The following ZZEF1 variants were observed in gnomAD, a reference collection of about 807,000 sequenced individuals.
The protein encoded by ZZEF1 is zinc finger ZZ-type and EF-hand domain containing 1.
In ZZEF1, 157 loss-of-function variants were observed where a neutral mutation model predicts 342.8. The ratio of observed to expected loss-of-function variants is 0.46; its 90% CI spans 0.40 to 0.52. The LOEUF (loss-of-function observed/expected upper bound fraction) is 0.52. Ranked by LOEUF, ZZEF1 falls within the 20% of genes least tolerant of loss-of-function variation. ZZEF1 has a pLI of 0.00. For missense variants in ZZEF1, 3,480 were observed against 3,725.6 expected (o/e 0.93, Z 1.72); for synonymous variants, 1,505 against 1,429.1 (o/e 1.05, Z -1.20).
At chr17:4,057,791 G>A (rs2057197278) in intron 32 of ZZEF1, among the ~76,000 whole-genome samples, 1 of 152,170 alleles carries the variant, frequency 6.6e-6, no homozygotes. Context: ...CAGCACCATT[G>A]TTATCTCCAG....
At chr17:4,108,256 G>A (rs1217665863) in intron 6 of ZZEF1, among the ~76,000 whole-genome samples, 2 of 152,142 alleles carry the variant, frequency 1.3e-5, no homozygotes, top group Non-Finnish European at 2.9e-5. Flanking sequence ...GCAACCCAAT[G>A]GGATGCAATG....
At chr17:4,043,155 C>A (rs561723624) in intron 38 of ZZEF1, among the ~76,000 whole-genome samples, 23 of 152,214 alleles carry the variant, frequency 1.5e-4, no homozygotes, top group African/African-American at 5.3e-4. Context: ...CATTTCATCA[C>A]CTTTTCACAT....
At chr17:4,123,172 G>A (rs1389249426) in intron 2 of ZZEF1, among the ~76,000 whole-genome samples, 11 of 149,380 alleles carry the variant, frequency 7.4e-5, no homozygotes, top group South Asian at 2.1e-4. Flanking sequence ...CGCCCGCCTC[G>A]GCCTCCCAAA....
chr17:4,014,399 G>C lies in ZZEF1; in HGVS notation c.8262C>G (p.Asp2754Glu). The C allele has an allele frequency of 1.9e-6, 3 of 1,614,234 alleles. No individual in the cohort carries two copies. Among genetic ancestry groups the C allele is most frequent in the Non-Finnish European group, 2.5e-6 (3 of 1,180,044 alleles). Residue 2754 changes from aspartate to glutamate, a missense_variant, in exon 50 of 55, where the codon GAC (aspartate) becomes GAG (glutamate). By Grantham distance (45) the Asp-to-Glu change is conservative. This residue lies in a region of ZZEF1 where 1,269 missense variants were observed against 1,342.4 expected (regional missense o/e 0.95). Coordinates refer to ENST00000381638, the MANE Select transcript of ZZEF1 (RefSeq NM_015113.4). The surrounding 1 kb of genome is among the most constrained non-coding windows in gnomAD (Gnocchi z 4.4). ...AMSSSSDFQQ[D>E]RHSFSGSQQK... ...GCTGAGACCCGCTGAAGCTGTGTCG[G>C]TCTTGCTGGAAGTCACTGCTGCTGG...
At chr17:4,128,283 G>A (rs28454154) in intron 1 of ZZEF1, among the ~76,000 whole-genome samples, 22,674 of 148,000 alleles carry the variant, frequency 0.15, 1,943 homozygotes, top group African/African-American at 0.22. Flanking sequence ...AGGAGGCAGA[G>A]GTTGCAGTGA....
chr17:4,131,802 T>C (rs2058666672), intron 1 of ZZEF1, among the ~76,000 whole-genome samples: 1 of 151,664 alleles, frequency 6.6e-6, no homozygotes, highest in Non-Finnish European at 1.5e-5. Context: ...AACAAAAACA[T>C]GGTACTATAT....
chr17:4,105,830 A>C, intron 6 of ZZEF1, 21 bp from the exon 7 acceptor site: 1 of 1,582,654 alleles, frequency 6.3e-7, no homozygotes, highest in African/African-American at 1.4e-5. Context: ...AAAATGTAAA[A>C]TGTAATCAGA....
Position 4,092,088 on chromosome 17 carries a change from A to AT in ZZEF1, c.1914-1259_1914-1258insA, listed in dbSNP as rs202163554. ...CGAAACTCCACCTCAAAAAAAAAAA[A>AT]AATAATAAAAATAATATAAATAAAT... is the stretch of plus-strand genomic sequence containing the variant. On this transcript the variant is annotated intron_variant, in intron 11 of 54. Transcript: ENST00000381638. 6.4e-3 allele frequency among the ~76,000 whole-genome samples: 928 copies of AT among 144,958 alleles called. 9 individuals carry two copies. Among genetic ancestry groups the AT allele is most frequent in the Middle Eastern group, 0.025 (7 of 278 alleles).
At chr17:4,026,522 T>C (rs1840265) in intron 42 of ZZEF1, among the ~76,000 whole-genome samples, 36,318 of 150,156 alleles carry the variant, frequency 0.24, 4,693 homozygotes, top group African/African-American at 0.32. Flanking sequence ...CTTTTTTTTT[T>C]CTTTTTTTTT....
Position 4,025,055 on chromosome 17 carries a change from A to G in ZZEF1, c.6956T>C (p.Leu2319Pro), listed in dbSNP as rs1056697341. 2 of 1,614,094 alleles carry G rather than the reference A, an allele frequency of 1.2e-6. No individual in the cohort carries two copies. The highest frequency in any genetic ancestry group is 2.7e-5 in the African/African-American group (2 of 74,940). Residue 2319 changes from leucine to proline, a missense_variant, in exon 43 of 55, where the codon CTG becomes CCG. By Grantham distance (98) the Leu-to-Pro change is moderately conservative (BLOSUM62 -3). Coordinates refer to ENST00000381638, the MANE Select transcript of ZZEF1 (RefSeq NM_015113.4). ...GQECGDSRAQ[L>P]SQYSQHFAFI... ...GGCAAAGTGCTGGGAGTACTGGCTC[A>G]GCTGGGCCCGAGAGTCACCACACTC...
At chr17:4,071,221 T>C (rs2057502921) in intron 25 of ZZEF1, 1 of 295,956 alleles carries the variant, frequency 3.4e-6, no homozygotes, top group African/African-American at 2.2e-5. Context: ...TAGGTTAAAG[T>C]AATTAAGAAA....
Position 4,017,505 on chromosome 17 carries a change from G to C in ZZEF1, c.7867C>G (p.Leu2623Val). The stretch of plus-strand genomic sequence containing the variant: ...GGCCACTCGGCGAGCAGGGATGCAA[G>C]CACGTGGCGGGCGTACAGGACAGCT... The part of the protein sequence containing the change: ...ATAVLYARHV[L>V]ASLLAEWPSH... The change falls in exon 48 of 55, where the codon CTT (leucine) becomes GTT (valine). Residue 2623 changes from leucine (L) to valine (V), a missense_variant. Coordinates refer to ENST00000381638, the MANE Select transcript of ZZEF1 (RefSeq NM_015113.4). This position sits in a 1 kb window ranked among gnomAD's most constrained non-coding sequence, Gnocchi z 5.1. The C allele has an allele frequency of 1.9e-6, 3 of 1,614,274 alleles. No individual in the cohort carries two copies. Among genetic ancestry groups the C allele is most frequent in the Non-Finnish European group, 2.5e-6 (3 of 1,180,050 alleles).
rs149651953 is a variant in ZZEF1 at position 4,063,830 on chromosome 17, C to T, written c.4718+531G>A. ...GCAACCTCTGCCTTCCAACTTTGAG[C>T]AATTCTCCTGCCTCAGCCTCCCGAG... is the stretch of plus-strand genomic sequence containing the variant. On this transcript the variant is annotated intron_variant, in intron 29 of 54. Transcript: ENST00000381638. 2.8e-4 allele frequency among the ~76,000 whole-genome samples: 43 copies of T among 151,564 alleles called. 1 individual carries two copies. The East Asian group carries it at 4.1e-3, about 14-fold the overall frequency.
At chr17:4,105,839 G>C in intron 6 of ZZEF1, 30 bp from the exon 7 acceptor site, 1 of 1,557,772 alleles carries the variant, frequency 6.4e-7, no homozygotes, top group Non-Finnish European at 8.7e-7. Flanking sequence ...AATGTAATCA[G>C]AACAAAACCA....
Position 4,050,838 on chromosome 17 carries a change from G to A in ZZEF1, c.5806C>T (p.Arg1936Trp), listed in dbSNP as rs539272806. ...CCGACGAGCTGCATGCACTGGCTCC[G>A]CAGGGTGGTGGCACTGCTGCGCGTC... is the stretch of plus-strand genomic sequence containing the variant. Reference protein sequence around the residue: ...PQTRSSATTLRSQCMQLVGDC... With the variant: ...PQTRSSATTLWSQCMQLVGDC... Residue 1936 changes from arginine to tryptophan, a missense_variant, in exon 36 of 55, where the codon CGG (arginine) becomes TGG (tryptophan). Arg to Trp is a moderately radical substitution (Grantham distance 101). Around this residue, in one of 5 missense-constraint regions of ZZEF1, gnomAD observed 1,269 missense variants for 1,342.4 expected, o/e 0.95. Transcript: ENST00000381638. 23 of 1,614,110 alleles carry A rather than the reference G, an allele frequency of 1.4e-5. No homozygotes were observed. Among genetic ancestry groups the A allele is most frequent in the African/African-American group, 2.7e-5 (2 of 75,046 alleles).
In ZZEF1 at chr17:4,075,308, G is replaced by T; in HGVS notation, c.3356C>A (p.Thr1119Asn). ...EVSVFVSPGA[T>N]YFEVEFDDRC... ...GTCATCGAATTCCACTTCAAAATAG[G>T]TTGCCCCTGGGCTAACAAAGACGGA... Residue 1119 changes from threonine (T) to asparagine (N), a missense_variant, in exon 22 of 55, where the codon ACC becomes AAC. This residue lies in a region of ZZEF1 where 1,528 missense variants were observed against 1,624.1 expected (regional missense o/e 0.94). Coordinates refer to ENST00000381638, the MANE Select transcript of ZZEF1 (RefSeq NM_015113.4). The T allele has an allele frequency of 1.2e-6, 2 of 1,614,104 alleles. No homozygotes were observed. The highest frequency in any genetic ancestry group is 1.7e-6 in the Non-Finnish European group (2 of 1,180,022).
chr17:4,074,392 G>A (rs200308146), intron 23 of ZZEF1, 41 bp from the exon 24 acceptor site: 3 of 1,599,228 alleles, frequency 1.9e-6, no homozygotes, highest in Non-Finnish European at 2.6e-6. Context: ...CAGATTAGAG[G>A]AGGAGTGCTT....
Position 4,005,655 on chromosome 17 carries a change from A to G in ZZEF1, c.*1235T>C, listed in dbSNP as rs146799606. 4 of 152,470 alleles carry G rather than the reference A, an allele frequency of 2.6e-5. No individual in the cohort carries two copies. The highest frequency in any genetic ancestry group is 9.6e-5 in the African/African-American group (4 of 41,596). 9.4% of individuals were successfully genotyped at this position (152,470 alleles called of 1,614,324 possible). A position where few individuals can be genotyped will look rare whatever the true frequency, so the allele number is the denominator to read the frequency against. ...GGGATCTTCAGAGGCCACGGGGCAC[A>G]CTGGGCCATGGCAATGCTGACCTGG... On this transcript the variant is annotated 3_prime_UTR_variant, in exon 55 of 55. Coordinates refer to ENST00000381638, the MANE Select transcript of ZZEF1 (RefSeq NM_015113.4).
chr17:4,009,417 C>A, intron 53 of ZZEF1, 187 bp downstream of exon 53: 1 of 755,812 alleles, frequency 1.3e-6, no homozygotes, highest in Non-Finnish European at 2.1e-6. Context: ...AATCTCAGAG[C>A]TGACCTGAGG....
Sources: allele counts gnomAD v4.1 joint callset (sites outside exome capture counted in the v4.1 genomes callset), GRCh38; gene constraint gnomAD v4.1.1; regional missense constraint gnomAD v4.1.1; non-coding constraint Gnocchi (gnomAD v3.1); transcripts MANE v1.5; gene names NCBI Gene and HGNC (gene_info 2026-07-23, HGNC 2026-07-21).